Variants in PTPRD observed in about 807,000 individuals in gnomAD.
PTPRD encodes the protein protein tyrosine phosphatase receptor type D.
A neutral mutation model predicts 214.5 loss-of-function variants in PTPRD; 34 were observed. The ratio of observed to expected loss-of-function variants is 0.16; its 90% confidence interval spans 0.12 to 0.21. The LOEUF (loss-of-function observed/expected upper bound fraction) is 0.21. Ranked by LOEUF, PTPRD falls within the 10% of genes least tolerant of loss-of-function variation. The probability of loss-of-function intolerance (pLI) is 1.00; values close to 1 mark genes in which losing one functional copy is unlikely to be tolerated. For missense variants in PTPRD, 2,545 were observed against 2,398.7 expected (o/e 1.06, Z -1.27); for synonymous variants, 1,128 against 845.7 (o/e 1.33, Z -5.79).
At chr9:10,436,007 C>T (rs544377573) in intron 2 of PTPRD, among the ~76,000 whole-genome samples, 62 of 151,854 alleles carry the variant, frequency 4.1e-4, no homozygotes, top group African/African-American at 1.3e-3. Context: ...CATTTCTGGA[C>T]TATCAATTCC....
intron 2 of PTPRD, among the ~76,000 whole-genome samples, chr9:10,451,816 A>G (rs541348344): frequency 1.3e-5 from 2 of 152,128 alleles, no homozygotes; most frequent in East Asian, 3.9e-4. Context: ...GCTCCTTCTA[A>G]AACTATCTGA....
At chr9:10,045,645 T>C (rs1378318387) in intron 3 of PTPRD, among the ~76,000 whole-genome samples, 1 of 151,718 alleles carries the variant, frequency 6.6e-6, no homozygotes, top group Non-Finnish European at 1.5e-5. Flanking sequence ...GCTAATATAC[T>C]CTTAAGATCC....
chr9:8,449,081 T>G (rs1286994418), intron 34 of PTPRD, among the ~76,000 whole-genome samples: 1 of 152,208 alleles, frequency 6.6e-6, no homozygotes, highest in Non-Finnish European at 1.5e-5. Context: ...GGCCCCTCAG[T>G]AGGAATAGTA....
chr9:9,144,414 A>T lies in PTPRD; in HGVS notation c.-143+38890T>A, dbSNP rs547823028. ...TCATTTTTTTATGTCAACTGGAAAC[A>T]TTAAGTGGTACCTAAAATCATTTAA... On this transcript the variant is annotated intron_variant, in intron 10 of 45. Coordinates refer to ENST00000381196, the MANE Select transcript of PTPRD (RefSeq NM_002839.4). Among the ~76,000 whole-genome samples, 23 of 152,310 alleles carry T rather than the reference A, an allele frequency of 1.5e-4. 1 individual carries two copies. In the South Asian group the frequency reaches 2.5e-3, roughly 16 times the overall value.
At chr9:10,605,593 G>T (rs1253704889) in intron 2 of PTPRD, among the ~76,000 whole-genome samples, 3 of 151,748 alleles carry the variant, frequency 2.0e-5, no homozygotes, top group Non-Finnish European at 2.9e-5. Context: ...GGTTCTAAAA[G>T]CAATAGCTGT....
chr9:9,021,517 A>T (rs74713732), intron 10 of PTPRD, among the ~76,000 whole-genome samples: 2,672 of 152,250 alleles, frequency 0.018, 79 homozygotes, highest in African/African-American at 0.06. Flanking sequence ...GCTATACTTC[A>T]TGTCATTATT....
At chr9:10,219,198 A>G (rs1198756199) in intron 3 of PTPRD, among the ~76,000 whole-genome samples, 23 of 151,842 alleles carry the variant, frequency 1.5e-4, no homozygotes, top group Non-Finnish European at 7.4e-5. Context: ...CTCCAAAAGA[A>G]CACTCCAATA....
At chr9:9,355,546 GAGA>G (rs1286699299) in intron 9 of PTPRD, among the ~76,000 whole-genome samples, 1 of 151,522 alleles carries the variant, frequency 6.6e-6, no homozygotes. Context: ...ATTTGAGATG[GAGA>G]AGATGAGAAA....
At chr9:10,308,750 T>A (rs2096172706) in intron 3 of PTPRD, among the ~76,000 whole-genome samples, 1 of 152,058 alleles carries the variant, frequency 6.6e-6, no homozygotes, top group African/African-American at 2.4e-5. Flanking sequence ...GGTATGCAGT[T>A]TTCCTTGCAG....
chr9:9,033,634 T>C (rs1569478534), intron 10 of PTPRD, among the ~76,000 whole-genome samples: 1 of 152,122 alleles, frequency 6.6e-6, no homozygotes, highest in Non-Finnish European at 1.5e-5. Flanking sequence ...GCTGCAATTC[T>C]GAATGTGCCT....
At chr9:9,424,245 C>G (rs1185019901) in intron 8 of PTPRD, among the ~76,000 whole-genome samples, 1 of 152,182 alleles carries the variant, frequency 6.6e-6, no homozygotes, top group Non-Finnish European at 1.5e-5. Flanking sequence ...CTTCTTTACT[C>G]CTTATATAAA....
chr9:8,395,145 G>T (rs1018663847), intron 36 of PTPRD, among the ~76,000 whole-genome samples: 1 of 152,090 alleles, frequency 6.6e-6, no homozygotes, highest in Non-Finnish European at 1.5e-5. Context: ...GTGTCAAAAA[G>T]AAATTGCTTT....
chr9:8,577,726 G>T (rs926658940), intron 14 of PTPRD, among the ~76,000 whole-genome samples: 3 of 152,134 alleles, frequency 2.0e-5, no homozygotes, highest in African/African-American at 7.2e-5. Flanking sequence ...ATACTCAACT[G>T]CAGTAGCTAT....
chr9:9,910,734 T>C (rs747498243), intron 5 of PTPRD, among the ~76,000 whole-genome samples: 2 of 152,030 alleles, frequency 1.3e-5, no homozygotes, highest in Non-Finnish European at 2.9e-5. Flanking sequence ...ATACAAAACT[T>C]GAGTTTCTTA....
intron 7 of PTPRD, among the ~76,000 whole-genome samples, chr9:9,684,711 A>ATGTG (rs368754596): frequency 6.7e-6 from 1 of 148,216 alleles, no homozygotes; most frequent in Non-Finnish European, 1.5e-5. Flanking sequence ...GTGTGTGTGT[A>ATGTG]TGTGTGTGTG....
At chr9:9,973,785 TC>T (rs952450552) in intron 4 of PTPRD, among the ~76,000 whole-genome samples, 12 of 152,086 alleles carry the variant, frequency 7.9e-5, no homozygotes, top group African/African-American at 2.4e-4. Flanking sequence ...TCTTTTTTTT[TC>T]ATTTATATTT....
At chr9:8,984,372 T>A (rs1472436278) in intron 11 of PTPRD, among the ~76,000 whole-genome samples, 1 of 152,070 alleles carries the variant, frequency 6.6e-6, no homozygotes, top group African/African-American at 2.4e-5. Flanking sequence ...GTACGATGAA[T>A]CTTTAATAAC....
chr9:9,399,126 T>C (rs565426890), intron 8 of PTPRD, among the ~76,000 whole-genome samples: 109 of 152,198 alleles, frequency 7.2e-4, no homozygotes, highest in African/African-American at 2.3e-3. Flanking sequence ...TGCTATTTCA[T>C]TAAGAACTTT....
At chr9:9,347,724 A>G (rs2049412897) in intron 9 of PTPRD, among the ~76,000 whole-genome samples, 1 of 152,128 alleles carries the variant, frequency 6.6e-6, no homozygotes, top group Admixed American at 6.6e-5. Flanking sequence ...TCCACTAATA[A>G]CTATTCAGGT....
Sources: allele counts gnomAD v4.1 joint callset (sites outside exome capture counted in the v4.1 genomes callset), GRCh38; gene constraint gnomAD v4.1.1; transcripts MANE v1.5; gene names NCBI Gene and HGNC (gene_info 2026-07-23, HGNC 2026-07-21).